Variants in FAM180A observed in about 807,000 individuals in gnomAD.
The protein encoded by FAM180A is protein FAM180A.
In FAM180A, 14 loss-of-function variants were observed where a neutral mutation model predicts 15.3. The observed-to-expected ratio is 0.92, with a 90% CI of 0.61 to 1.43. The LOEUF is 1.43. Among genes scored for constraint, FAM180A ranks in the 40% most tolerant of loss-of-function variants. The pLI is 0.00. For missense variants in FAM180A, 200 were observed against 220.8 expected, an observed-to-expected ratio of 0.91 and a Z score of 0.60; for synonymous variants, 90 against 96.8, an observed-to-expected ratio of 0.93 and a Z score of 0.41.
rs570438997 is a variant in FAM180A at position 135,737,150 on chromosome 7, T to C, written c.126A>G (p.Pro42=). Residue 42 remains proline, a synonymous_variant, in exon 2 of 4, where the codon CCA becomes CCG. Coordinates refer to ENST00000338588, the MANE Select transcript of FAM180A (RefSeq NM_205855.4). ...AHRPKRSSSL[P]LNPVLQTSLE... ...GGGAGGTCTGCAGGACTGGGTTCAATGGCAGTGATGAGGACCTCTTTGGCC... is the reference window on the plus strand; with the variant it reads ...GGGAGGTCTGCAGGACTGGGTTCAACGGCAGTGATGAGGACCTCTTTGGCC... 14 of 1,612,174 alleles carry C rather than the reference T, an allele frequency of 8.7e-6. No homozygotes were observed. Among genetic ancestry groups the C allele is most frequent in the Non-Finnish European group, 1.2e-5 (14 of 1,179,474 alleles).
chr7:135,733,284 T>C (rs1287542442), intron 3 of FAM180A, among the ~76,000 whole-genome samples: 1 of 152,220 alleles, frequency 6.6e-6, no homozygotes, highest in Non-Finnish European at 1.5e-5. Context: ...ACCGAAGGAA[T>C]CTGTCCCCCA....
At chr7:135,740,812 G>A (rs547742088) in intron 1 of FAM180A, among the ~76,000 whole-genome samples, 1 of 152,098 alleles carries the variant, frequency 6.6e-6, no homozygotes, top group East Asian at 1.9e-4. Flanking sequence ...TTCTTTCTTT[G>A]TGCTCTTCTT....
rs1797065724 is a variant in FAM180A, at chr7:135,748,700, A to C, written c.-120T>G. ...GAGTGCTTCCCTCCCTTCCTTTTGC[A>C]GACGTGCAGAAATGCCTACTCTGCC... On this transcript the variant is annotated 5_prime_UTR_variant, in exon 1 of 4. Transcript: ENST00000338588. 4 of 804,446 alleles carry C rather than the reference A, an allele frequency of 5.0e-6. No individual in the cohort carries two copies. Among genetic ancestry groups the C allele is most frequent in the Non-Finnish European group, 6.4e-6 (3 of 466,320 alleles). 49.8% of individuals were successfully genotyped at this position (804,446 alleles called of 1,614,324 possible). A position where few individuals can be genotyped will look rare whatever the true frequency, so the allele number is the denominator to read the frequency against.
chr7:135,736,083 C>A (rs965934087), intron 2 of FAM180A, among the ~76,000 whole-genome samples: 6 of 138,846 alleles, frequency 4.3e-5, no homozygotes, highest in Non-Finnish European at 7.9e-5. Flanking sequence ...AGTGCAGTGG[C>A]GTGATCTCGG....
Position 135,730,225 on chromosome 7 carries a change from A to C in FAM180A, c.*386T>G, listed in dbSNP as rs1191037208. ...ATTGGAGATAGCTGTGAGGATGCCA[A>C]CGATGGAGGAAACTTAGAAAGTTTT... On this transcript the variant is annotated 3_prime_UTR_variant, in exon 4 of 4. Coordinates refer to ENST00000338588, the MANE Select transcript of FAM180A (RefSeq NM_205855.4). The C allele has an allele frequency of 1.0e-6, 1 of 985,314 alleles. No homozygotes were observed. Among genetic ancestry groups the C allele is most frequent in the Admixed American group, 6.2e-5 (1 of 16,260 alleles). 61.0% of individuals were successfully genotyped at this position (985,314 alleles called of 1,614,324 possible).
chr7:135,737,458 G>C (rs146286154), intron 1 of FAM180A, among the ~76,000 whole-genome samples: 1 of 151,930 alleles, frequency 6.6e-6, no homozygotes, highest in Admixed American at 6.6e-5. Flanking sequence ...ATGGTGGCGG[G>C]TGCCTGTAAT....
chr7:135,729,599 G>A lies in FAM180A; in HGVS notation c.*1012C>T, dbSNP rs1796751320. 1 of 984,356 alleles carries A rather than the reference G, an allele frequency of 1.0e-6. No individual in the cohort carries two copies. Among genetic ancestry groups the A allele is most frequent in the South Asian group, 4.7e-5 (1 of 21,280 alleles). 61.0% of individuals were successfully genotyped at this position (984,356 alleles called of 1,614,324 possible). ...ACTCTGAGATAACAAAGATTCCAGT[G>A]AGCAACTCAATCATGACATCTTTAT... On this transcript the variant is annotated 3_prime_UTR_variant, in exon 4 of 4. Coordinates refer to ENST00000338588, the MANE Select transcript of FAM180A (RefSeq NM_205855.4).
chr7:135,747,323 G>A (rs913275745), intron 1 of FAM180A, among the ~76,000 whole-genome samples: 1 of 151,986 alleles, frequency 6.6e-6, no homozygotes, highest in Non-Finnish European at 1.5e-5. Flanking sequence ...AGGGAGGGGT[G>A]TACGTGTGTA....
chr7:135,743,793 A>G (rs112467651), intron 1 of FAM180A, among the ~76,000 whole-genome samples: 3 of 152,292 alleles, frequency 2.0e-5, no homozygotes, highest in African/African-American at 7.2e-5. Context: ...CTCAGTGCCT[A>G]GTATCATGCC....
At chr7:135,737,254 C>T in intron 1 of FAM180A, 55 bp from the exon 2 acceptor site, 2 of 1,353,538 alleles carry the variant, frequency 1.5e-6, no homozygotes, top group South Asian at 1.4e-5. Flanking sequence ...AGACCTTCTC[C>T]CTCTGATCCA....
chr7:135,747,963 G>A (rs1375471392), intron 1 of FAM180A, among the ~76,000 whole-genome samples: 1 of 152,212 alleles, frequency 6.6e-6, no homozygotes, highest in Non-Finnish European at 1.5e-5. Context: ...CCTTTGTGAG[G>A]AGGTGGCGGA....
At chr7:135,742,845 G>A (rs887194102) in intron 1 of FAM180A, among the ~76,000 whole-genome samples, 1 of 152,186 alleles carries the variant, frequency 6.6e-6, no homozygotes, top group Non-Finnish European at 1.5e-5. Flanking sequence ...CCATTTTATA[G>A]ATGAAGAAAC....
At chr7:135,731,539 A>AAAAG (rs201311916) in intron 3 of FAM180A, among the ~76,000 whole-genome samples, 1 of 152,118 alleles carries the variant, frequency 6.6e-6, no homozygotes, top group Admixed American at 6.6e-5. Context: ...CAACTAAAAT[A>AAAAG]AAAGAAAGAA....
intron 1 of FAM180A, among the ~76,000 whole-genome samples, chr7:135,743,218 C>CTTTTTTTTT: frequency 8.8e-6 from 1 of 113,154 alleles, no homozygotes; most frequent in Non-Finnish European, 1.8e-5. Context: ...CTCATTGTTC[C>CTTTTTTTTT]TTTTTTTTTT....
intron 3 of FAM180A, among the ~76,000 whole-genome samples, chr7:135,733,339 T>A (rs952239654): frequency 3.9e-5 from 6 of 152,136 alleles, no homozygotes; most frequent in African/African-American, 1.4e-4. Flanking sequence ...TCACTCTTTT[T>A]TAAATTTATT....
chr7:135,747,577 C>G (rs1584755674), intron 1 of FAM180A, among the ~76,000 whole-genome samples: 1 of 152,118 alleles, frequency 6.6e-6, no homozygotes, highest in Admixed American at 6.5e-5. Flanking sequence ...CTCCTTCCTT[C>G]CCTGACACTG....
intron 1 of FAM180A, among the ~76,000 whole-genome samples, chr7:135,741,317 G>C (rs1467210370): frequency 6.6e-6 from 1 of 152,148 alleles, no homozygotes; most frequent in Non-Finnish European, 1.5e-5. Context: ...CAGACAATGG[G>C]AATGGCTATT....
chr7:135,744,783 G>A (rs1363460563), intron 1 of FAM180A, among the ~76,000 whole-genome samples: 1 of 152,178 alleles, frequency 6.6e-6, no homozygotes, highest in Non-Finnish European at 1.5e-5. Context: ...TTCACTTCTT[G>A]CCTCACTCTC....
At chr7:135,736,228 G>A (rs550680720) in intron 2 of FAM180A, among the ~76,000 whole-genome samples, 9 of 152,148 alleles carry the variant, frequency 5.9e-5, no homozygotes, top group Non-Finnish European at 8.8e-5. Context: ...TCACCGTGTT[G>A]GCCAGGCTGG....
Sources: gnomAD v4.1 joint callset for allele counts (sites outside exome capture counted in the v4.1 genomes callset) on GRCh38, gnomAD v4.1.1 for gene constraint, MANE v1.5 for transcripts, NCBI Gene and HGNC (gene_info 2026-07-23, HGNC 2026-07-21) for gene names.